Variants in SPAG16 observed in about 807,000 individuals in gnomAD.
SPAG16 encodes the protein sperm associated antigen 16.
Under a neutral mutation model 80.4 loss-of-function variants are expected in SPAG16, and 86 were observed. The ratio of observed to expected loss-of-function variants is 1.07; its 90% CI spans 0.90 to 1.28. The LOEUF (loss-of-function observed/expected upper bound fraction) is 1.28, where lower values mean the gene tolerates loss of function less well. Ranked by LOEUF, SPAG16 falls within the 50% of genes most tolerant of loss-of-function variation. SPAG16 has a pLI of 0.00. For missense variants in SPAG16, 870 were observed against 765.3 expected (o/e 1.14, Z -1.61); for synonymous variants, 294 against 265.9 (o/e 1.11, Z -1.03).
At chr2:214,338,752 T>G (rs1006680249) in intron 15 of SPAG16, among the ~76,000 whole-genome samples, 2 of 152,204 alleles carry the variant, frequency 1.3e-5, no homozygotes, top group Admixed American at 6.5e-5. Flanking sequence ...CTGTAACATA[T>G]TTCAAGAATG....
chr2:214,115,897 A>AAG (rs2053909788), intron 14 of SPAG16, among the ~76,000 whole-genome samples: 2 of 150,754 alleles, frequency 1.3e-5, no homozygotes, highest in African/African-American at 4.9e-5. Context: ...AAAAAAAAAA[A>AAG]GTAACCCTCC....
intron 10 of SPAG16, among the ~76,000 whole-genome samples, chr2:213,576,486 G>A (rs939485780): frequency 6.6e-6 from 1 of 152,096 alleles, no homozygotes; most frequent in African/African-American, 2.4e-5. Context: ...TATACCCAAA[G>A]GAATATAAAT....
intron 10 of SPAG16, among the ~76,000 whole-genome samples, chr2:213,769,677 CT>C (rs1044121983): frequency 2.0e-5 from 3 of 152,180 alleles, no homozygotes; most frequent in African/African-American, 7.2e-5. Flanking sequence ...TACCTAATAT[CT>C]TTTAAATATG....
intron 12 of SPAG16, among the ~76,000 whole-genome samples, chr2:213,991,669 G>A (rs2046289639): frequency 1.3e-5 from 2 of 152,060 alleles, no homozygotes; most frequent in Admixed American, 1.3e-4. Context: ...CTTAGAGCCA[G>A]TCTGTATTTT....
intron 10 of SPAG16, among the ~76,000 whole-genome samples, chr2:213,674,029 G>C (rs868750011): frequency 6.6e-6 from 1 of 151,730 alleles, no homozygotes; most frequent in Non-Finnish European, 1.5e-5. Context: ...TGTTTATAAG[G>C]CTTCAAAAGA....
intron 10 of SPAG16, among the ~76,000 whole-genome samples, chr2:213,671,272 T>C (rs116419612): frequency 0.013 from 2,030 of 152,312 alleles, 27 homozygotes; most frequent in Non-Finnish European, 0.021. Flanking sequence ...TTGGACCCTA[T>C]TGTAGGAGCT....
At chr2:213,377,891 ATATATATATATATT>A (rs775824770) in intron 9 of SPAG16, among the ~76,000 whole-genome samples, 2 of 72,776 alleles carry the variant, frequency 2.7e-5, no homozygotes, top group African/African-American at 8.7e-5. Context: ...GTATATATAT[ATATATATATATATT>A]TTTTTTTTTT....
chr2:214,346,111 CCAAA>C (rs893588321), intron 15 of SPAG16, among the ~76,000 whole-genome samples: 18 of 152,148 alleles, frequency 1.2e-4, no homozygotes, highest in Non-Finnish European at 2.1e-4. Flanking sequence ...ATAATTGATG[CCAAA>C]CAGTTATCCA....
intron 3 of SPAG16, among the ~76,000 whole-genome samples, chr2:213,301,687 T>TAGGTGGG (rs2126087364): frequency 6.6e-6 from 1 of 152,260 alleles, no homozygotes; most frequent in East Asian, 1.9e-4. Context: ...AAGATGTGTC[T>TAGGTGGG]AATGCAAATT....
intron 15 of SPAG16, among the ~76,000 whole-genome samples, chr2:214,286,750 A>T (rs866538716): frequency 6.6e-6 from 1 of 151,820 alleles, no homozygotes; most frequent in African/African-American, 2.4e-5. Context: ...GTGTCTCAAA[A>T]ATAAACAAAT....
intron 12 of SPAG16, among the ~76,000 whole-genome samples, chr2:213,947,748 T>A (rs1385964524): frequency 6.6e-6 from 1 of 152,090 alleles, no homozygotes; most frequent in Non-Finnish European, 1.5e-5. Flanking sequence ...AAAGAAAAAA[T>A]CCATAGTCTA....
intron 10 of SPAG16, among the ~76,000 whole-genome samples, chr2:213,679,753 G>GA (rs2064285219): frequency 6.6e-6 from 1 of 152,020 alleles, no homozygotes; most frequent in Non-Finnish European, 1.5e-5. Flanking sequence ...AATTATTTTA[G>GA]AAAAATAAAG....
chr2:213,384,212 G>A (rs994918386), intron 9 of SPAG16, among the ~76,000 whole-genome samples: 7 of 152,090 alleles, frequency 4.6e-5, no homozygotes, highest in Admixed American at 1.3e-4. Context: ...CCAATATGCA[G>A]TATTATTTTT....
intron 15 of SPAG16, among the ~76,000 whole-genome samples, chr2:214,272,263 AATTT>A (rs1428384343): frequency 9.9e-5 from 15 of 151,784 alleles, no homozygotes; most frequent in African/African-American, 2.7e-4. Context: ...TATGTTCTGA[AATTT>A]ATTTATGTCT....
chr2:214,354,908 G>A (rs1234742543), intron 15 of SPAG16, among the ~76,000 whole-genome samples: 12 of 152,114 alleles, frequency 7.9e-5, no homozygotes, highest in South Asian at 2.1e-4. Context: ...GGCTGAGACA[G>A]TGGGGTTTTC....
At chr2:214,288,443 C>T (rs1437875072) in intron 15 of SPAG16, among the ~76,000 whole-genome samples, 1 of 152,056 alleles carries the variant, frequency 6.6e-6, no homozygotes, top group Non-Finnish European at 1.5e-5. Flanking sequence ...GATAAATACC[C>T]AGTAGTGGGA....
intron 9 of SPAG16, among the ~76,000 whole-genome samples, chr2:213,450,013 G>T (rs2071590931): frequency 6.6e-6 from 1 of 152,022 alleles, no homozygotes; most frequent in South Asian, 2.1e-4. Flanking sequence ...TGATTAAAAA[G>T]AAACTGTCAG....
chr2:214,056,318 TAGAGAGAG>T (rs1332334966), intron 13 of SPAG16, among the ~76,000 whole-genome samples: 1 of 137,012 alleles, frequency 7.3e-6, no homozygotes, highest in South Asian at 2.4e-4. Flanking sequence ...CACACACGCA[TAGAGAGAG>T]AGAGAGAGGG....
intron 10 of SPAG16, among the ~76,000 whole-genome samples, chr2:213,579,446 A>G (rs763224365): frequency 3.3e-5 from 5 of 152,170 alleles, no homozygotes; most frequent in Non-Finnish European, 7.4e-5. Flanking sequence ...TGGTCTTATT[A>G]AAACTCTTTT....
Sources: allele counts gnomAD v4.1 joint callset (sites outside exome capture counted in the v4.1 genomes callset), GRCh38; gene constraint gnomAD v4.1.1; transcripts MANE v1.5; gene names NCBI Gene and HGNC (gene_info 2026-07-23, HGNC 2026-07-21).